PHTF2: variants seen among roughly 807,000 people sequenced by gnomAD.
The protein encoded by PHTF2 is putative homeodomain transcription factor 2.
PHTF2 carries 60 observed loss-of-function variants against 101.2 expected under a neutral mutation model. That is an observed-to-expected ratio of 0.59 (90% CI 0.48 to 0.73). The LOEUF is 0.73. Ranked by LOEUF, PHTF2 falls within the 30% of genes least tolerant of loss-of-function variation. PHTF2 has a pLI of 0.00. For synonymous variants in PHTF2, 311 were observed against 307.3 expected, an observed-to-expected ratio of 1.01 and a Z score of -0.13; for missense variants, 747 against 908.7, an observed-to-expected ratio of 0.82 and a Z score of 2.29.
chr7:77,869,016 C>CA (rs1253854680), intron 3 of PHTF2, among the ~76,000 whole-genome samples: 1 of 151,300 alleles, frequency 6.6e-6, no homozygotes, highest in African/African-American at 2.4e-5. Flanking sequence ...CAGGAAAAAG[C>CA]AAAAAAACAA....
At chr7:77,836,498 C>A (rs1795484525) in intron 1 of PHTF2, among the ~76,000 whole-genome samples, 1 of 152,174 alleles carries the variant, frequency 6.6e-6, no homozygotes, top group Admixed American at 6.5e-5. Context: ...GTGTGGAAAT[C>A]AATACAGCAA....
intron 16 of PHTF2, among the ~76,000 whole-genome samples, chr7:77,948,220 CTT>C (rs1240565334): frequency 2.6e-5 from 4 of 152,026 alleles, no homozygotes; most frequent in African/African-American, 7.2e-5. Context: ...TACAGAAAGA[CTT>C]TATGATTTTT....
intron 7 of PHTF2, among the ~76,000 whole-genome samples, chr7:77,905,197 C>G (rs2150846412): frequency 6.6e-6 from 1 of 152,122 alleles, no homozygotes; most frequent in East Asian, 1.9e-4. Flanking sequence ...GATTAACAGT[C>G]CTAAAAATGG....
In PHTF2 at chr7:77,947,810, A is replaced by G. The variant is rs893976550; in HGVS notation, c.1960-1868A>G. ...AAGTTGCTGTACCAGAAATATGAAG[A>G]TTTATTTTCTTTTTTCTTTTTTCTT... On this transcript the variant is annotated intron_variant, in intron 16 of 19. Transcript: ENST00000416283. Among the ~76,000 whole-genome samples, 4 of 108,124 alleles carry G rather than the reference A, an allele frequency of 3.7e-5. No individual in the cohort carries two copies. The Admixed American group carries it at 3.7e-4, about 10-fold the overall frequency. The allele number at this position is 108,124 out of a possible 152,430, so 70.9% of individuals were successfully genotyped here. A position where few individuals can be genotyped will look rare whatever the true frequency, so the allele number is the denominator to read the frequency against.
At chr7:77,889,716 G>T (rs1800203567) in intron 3 of PHTF2, among the ~76,000 whole-genome samples, 1 of 150,134 alleles carries the variant, frequency 6.7e-6, no homozygotes, top group African/African-American at 2.5e-5. Flanking sequence ...TCAGCCTCCT[G>T]AGTAGTGGGG....
At chr7:77,858,649 CTT>C (rs34405628) in intron 3 of PHTF2, among the ~76,000 whole-genome samples, 18 of 127,666 alleles carry the variant, frequency 1.4e-4, no homozygotes, top group Admixed American at 1.6e-4. Flanking sequence ...GAAGTATACA[CTT>C]TTTTTTTTTT....
chr7:77,954,944 G>T, exon 20 of PHTF2: 2 of 810,916 alleles, frequency 2.5e-6, no homozygotes, highest in Non-Finnish European at 4.0e-6. Flanking sequence ...CTGCCTGAAA[G>T]CTTGTCACTG....
At chr7:77,954,836 A>G (rs763028796) in intron 19 of PHTF2, 22 bp from the exon 19 acceptor site, 2 of 1,415,636 alleles carry the variant, frequency 1.4e-6, no homozygotes, top group Non-Finnish European at 2.0e-6. Context: ...GCTTGTCACC[A>G]CTTCTATTTT....
chr7:77,917,270 A>G (rs1803014549), intron 9 of PHTF2, among the ~76,000 whole-genome samples: 2 of 152,254 alleles, frequency 1.3e-5, no homozygotes, highest in Middle Eastern at 3.4e-3. Flanking sequence ...GGCACAACAA[A>G]ATGTTTTGGG....
chr7:77,825,616 T>C (rs575685468), intron 1 of PHTF2, among the ~76,000 whole-genome samples: 1 of 152,348 alleles, frequency 6.6e-6, no homozygotes, highest in East Asian at 1.9e-4. Flanking sequence ...TCCTTTTCTG[T>C]GTCGTTGGAT....
exon 12 of PHTF2, chr7:77,929,247 T>G: frequency 6.2e-7 from 1 of 1,611,260 alleles, no homozygotes; most frequent in East Asian, 2.2e-5. Context: ...CCATTCATCT[T>G]GTACCAGTGA....
chr7:77,826,224 A>T (rs939227372), intron 1 of PHTF2, among the ~76,000 whole-genome samples: 8 of 152,228 alleles, frequency 5.3e-5, no homozygotes, highest in Non-Finnish European at 1.0e-4. Context: ...AAGAGAAAAA[A>T]ATTCAAGATG....
At chr7:77,869,390 C>G (rs1385545413) in intron 3 of PHTF2, among the ~76,000 whole-genome samples, 4 of 152,070 alleles carry the variant, frequency 2.6e-5, no homozygotes, top group Non-Finnish European at 5.9e-5. Flanking sequence ...GTTTTGCACC[C>G]ATTAACCAAA....
chr7:77,954,610 GTGTATA>G (rs1463416707), intron 19 of PHTF2, among the ~76,000 whole-genome samples: 6,818 of 82,472 alleles, frequency 0.083, 295 homozygotes, highest in Middle Eastern at 0.13. Context: ...AACAAGTACT[GTGTATA>G]TATATATATA....
At chr7:77,907,464 C>T (rs1801971793) in intron 7 of PHTF2, among the ~76,000 whole-genome samples, 1 of 152,134 alleles carries the variant, frequency 6.6e-6, no homozygotes, top group African/African-American at 2.4e-5. Context: ...GTTAATTTTA[C>T]TGTTTATCAT....
At chr7:77,858,122 T>C (rs1797329978) in intron 3 of PHTF2, among the ~76,000 whole-genome samples, 1 of 152,212 alleles carries the variant, frequency 6.6e-6, no homozygotes, top group South Asian at 2.1e-4. Context: ...GTTTTCCATC[T>C]CTTCCTCTTT....
chr7:77,840,155 T>C (rs117427153), intron 1 of PHTF2, 66 bp from the exon 2 acceptor site: 70,197 of 823,548 alleles, frequency 0.085, 3,760 homozygotes, highest in Non-Finnish European at 0.11. Flanking sequence ...TATGTCTGCA[T>C]GCTGTTCAGT....
intron 7 of PHTF2, among the ~76,000 whole-genome samples, chr7:77,904,944 A>G (rs1263367915): frequency 6.6e-6 from 1 of 152,216 alleles, no homozygotes; most frequent in Non-Finnish European, 1.5e-5. Flanking sequence ...ATGGCTTTGA[A>G]TGTGGCCCAA....
intron 7 of PHTF2, among the ~76,000 whole-genome samples, chr7:77,905,694 C>T (rs113698400): frequency 0.058 from 8,785 of 151,430 alleles, 569 homozygotes; most frequent in African/African-American, 0.16. Flanking sequence ...GGCAGGGTTT[C>T]GCCTTGTTGC....
Sources: gnomAD v4.1 joint callset for allele counts (sites outside exome capture counted in the v4.1 genomes callset) on GRCh38, gnomAD v4.1.1 for gene constraint, MANE v1.5 for transcripts, NCBI Gene and HGNC (gene_info 2026-07-23, HGNC 2026-07-21) for gene names.